Variants in CLINT1 observed in about 807,000 individuals in gnomAD.
CLINT1 encodes the protein clathrin interactor 1, also known as clathrin interacting protein localized in the trans-Golgi region.
A neutral mutation model predicts 70.4 loss-of-function variants in CLINT1; 15 were observed. That is an observed-to-expected ratio of 0.21 (90% CI 0.14 to 0.33). The LOEUF is 0.33. CLINT1 is among the 10% of genes least tolerant of loss of function. CLINT1 has a pLI of 1.00. For missense variants in CLINT1, 615 were observed against 778.1 expected, an observed-to-expected ratio of 0.79 and a Z score of 2.49; for synonymous variants, 227 against 254.7, an observed-to-expected ratio of 0.89 and a Z score of 1.04.
At position 157,787,972 on chromosome 5, in the gene CLINT1, C is replaced by T. The variant is rs763090564; in HGVS notation, c.1552G>A (p.Val518Met). 2.5e-6 allele frequency: 4 copies of T among 1,609,186 alleles called. No homozygotes were observed. Among genetic ancestry groups the T allele is most frequent in the Non-Finnish European group, 8.5e-7 (1 of 1,177,524 alleles). ...QQQNMQQPMNVMTQSFGAVNL... is the reference protein window; with the variant it reads ...QQQNMQQPMNMMTQSFGAVNL... ...ACAGCTCCAAAACTTTGAGTCATCACATTCATAGGCTGCTGCATATCTACC... is the reference window on the plus strand; with the variant it reads ...ACAGCTCCAAAACTTTGAGTCATCATATTCATAGGCTGCTGCATATCTACC... The change falls in exon 12 of 12, where the codon GTG becomes ATG. Residue 518 changes from valine to methionine, a missense_variant. Physicochemically the swap from Val to Met is conservative, Grantham distance 21. This residue lies in a region of CLINT1 where 374 missense variants were observed against 409.6 expected (regional missense o/e 0.91). Transcript: ENST00000411809.
At chr5:157,855,241 A>C (rs946231797) in intron 1 of CLINT1, among the ~76,000 whole-genome samples, 5 of 150,434 alleles carry the variant, frequency 3.3e-5, no homozygotes, top group African/African-American at 9.8e-5. Context: ...GCTGAGCTTG[A>C]ACAAATAAGT....
chr5:157,841,047 A>G (rs1753157229), intron 1 of CLINT1, among the ~76,000 whole-genome samples: 1 of 152,144 alleles, frequency 6.6e-6, no homozygotes, highest in African/African-American at 2.4e-5. Context: ...AGATTGCTTG[A>G]GCTCAGGAGT....
In CLINT1 at chr5:157,791,711, T is replaced by C. The variant is rs1017260743; in HGVS notation, c.1372A>G (p.Arg458Gly). The change falls in exon 10 of 12, where the codon AGA becomes GGA. Residue 458 changes from arginine (R) to glycine (G), a missense_variant. Arg to Gly is a moderately radical substitution (Grantham distance 125, BLOSUM62 -2). This residue lies in a region of CLINT1 where 374 missense variants were observed against 409.6 expected (regional missense o/e 0.91). Transcript: ENST00000411809. ...NTVGLGLPMS[R>G]SQNTDMVQKS... ...GGAACCAGACAACTTACCTGTGATC[T>C]TGACATAGGCAAACCAAGTCCCACA... is the stretch of plus-strand genomic sequence containing the variant. The C allele has an allele frequency of 6.2e-7, 1 of 1,609,892 alleles. No individual in the cohort carries two copies. Among genetic ancestry groups the C allele is most frequent in the East Asian group, 2.2e-5 (1 of 44,844 alleles).
At chr5:157,828,922 C>G (rs1157590478) in intron 1 of CLINT1, among the ~76,000 whole-genome samples, 1 of 123,822 alleles carries the variant, frequency 8.1e-6, no homozygotes, top group South Asian at 2.7e-4. Flanking sequence ...AACTCTGTCT[C>G]TACTTAAAAA....
At chr5:157,800,325 T>G (rs1236801310) in intron 8 of CLINT1, among the ~76,000 whole-genome samples, 1 of 152,182 alleles carries the variant, frequency 6.6e-6, no homozygotes, top group Admixed American at 6.5e-5. Flanking sequence ...TTACAGTTTG[T>G]GCCCACATTA....
rs978287312 is a variant in CLINT1 at position 157,795,009 on chromosome 5, G to C, written c.1013-37C>G. ...GAAAAAGTTAAAACTGTTAGAACTAGAGAAAAATTGTAAATAATTTCTGGA... is the reference window on the plus strand; with the variant it reads ...GAAAAAGTTAAAACTGTTAGAACTACAGAAAAATTGTAAATAATTTCTGGA... On this transcript the variant is annotated intron_variant, in intron 8 of 11. Transcript: ENST00000411809. The C allele has an allele frequency of 2.0e-6, 3 of 1,498,972 alleles. No individual in the cohort carries two copies. The African/African-American group carries it at 4.2e-5, about 21-fold the overall frequency. The allele number at this position is 1,498,972 out of a possible 1,614,324, so 92.9% of individuals were successfully genotyped here.
rs564689978 is a variant in CLINT1 at position 157,855,635 on chromosome 5, C to A, written c.41+3295G>T. Among the ~76,000 whole-genome samples the A allele has an allele frequency of 9.9e-4, 151 of 152,274 alleles. 1 individual carries two copies. The South Asian group carries it at 0.012, about 12-fold the overall frequency. ...GATTGTGGAAAATATACCCCCACTT[C>A]CAGAAAAAGTCTTCAAGGTCTCAAA... On this transcript the variant is annotated intron_variant, in intron 1 of 11. Coordinates refer to ENST00000411809, the MANE Select transcript of CLINT1 (RefSeq NM_014666.4).
intron 1 of CLINT1, among the ~76,000 whole-genome samples, chr5:157,850,340 G>A (rs1753529536): frequency 6.6e-6 from 1 of 152,118 alleles, no homozygotes; most frequent in African/African-American, 2.4e-5. Context: ...ATTACTGGCT[G>A]GGCACAGTGG....
chr5:157,824,792 T>C (rs187708328), intron 1 of CLINT1, among the ~76,000 whole-genome samples: 19 of 152,338 alleles, frequency 1.2e-4, no homozygotes, highest in Non-Finnish European at 2.8e-4. Context: ...TTAAAAACTA[T>C]TAGGTCTTTT....
At chr5:157,792,534 C>T (rs147007940) in intron 9 of CLINT1, among the ~76,000 whole-genome samples, 2 of 151,930 alleles carry the variant, frequency 1.3e-5, no homozygotes, top group South Asian at 2.1e-4. Context: ...GGTGACAGAG[C>T]GAGACTCCGT....
At chr5:157,805,742 C>T in intron 7 of CLINT1, 124 bp downstream of exon 7, 4 of 1,192,088 alleles carry the variant, frequency 3.4e-6, no homozygotes, top group Non-Finnish European at 4.7e-6. Context: ...CTTGGTAATA[C>T]ATGCCAGATG....
intron 1 of CLINT1, among the ~76,000 whole-genome samples, chr5:157,856,141 TACC>T (rs1311938788): frequency 6.6e-6 from 1 of 152,222 alleles, no homozygotes; most frequent in Non-Finnish European, 1.5e-5. Context: ...ATTTATTGAT[TACC>T]ACTTTTTAAG....
intron 7 of CLINT1, among the ~76,000 whole-genome samples, chr5:157,805,640 A>C (rs991957170): frequency 1.3e-5 from 2 of 152,170 alleles, no homozygotes; most frequent in African/African-American, 4.8e-5. Context: ...AAACAAACCA[A>C]AAGTGTCATT....
chr5:157,810,323 A>G (rs1762517368), intron 5 of CLINT1, among the ~76,000 whole-genome samples: 1 of 152,236 alleles, frequency 6.6e-6, no homozygotes, highest in Admixed American at 6.5e-5. Context: ...GTCACGCCTC[A>G]GTATCAAACT....
rs1400128409 is a variant in CLINT1, at chr5:157,814,220, T to C, written c.317A>G (p.Tyr106Cys). The C allele has an allele frequency of 1.9e-6, 3 of 1,610,512 alleles. No individual in the cohort carries two copies. Among genetic ancestry groups the C allele is most frequent in the Non-Finnish European group, 2.5e-6 (3 of 1,178,462 alleles). ...RVVTSAREHI[Y>C]DLRSLENYHF... ...GTAATTTTCCAGGGATCGTAAATCA[T>C]AAATGTGTTCTCTGGCACTTGTAAC... is the stretch of plus-strand genomic sequence containing the variant. The change falls in exon 4 of 12, where the codon TAT becomes TGT. Residue 106 changes from tyrosine to cysteine, a missense_variant. This residue lies in a region of CLINT1 where 241 missense variants were observed against 368.6 expected (regional missense o/e 0.65). Coordinates refer to ENST00000411809, the MANE Select transcript of CLINT1 (RefSeq NM_014666.4).
At chr5:157,793,312 T>G (rs1761973253) in intron 9 of CLINT1, among the ~76,000 whole-genome samples, 1 of 152,138 alleles carries the variant, frequency 6.6e-6, no homozygotes, top group Admixed American at 6.5e-5. Context: ...TAAACTTTTA[T>G]GCTGATTTTC....
At chr5:157,798,826 A>C (rs1177266617) in intron 8 of CLINT1, among the ~76,000 whole-genome samples, 1 of 152,122 alleles carries the variant, frequency 6.6e-6, no homozygotes, top group Non-Finnish European at 1.5e-5. Flanking sequence ...AAATAAAAAA[A>C]CTAATGTCTA....
At position 157,809,738 on chromosome 5, in the gene CLINT1, A is replaced by G; in HGVS notation, c.585T>C (p.Phe195=). 1.2e-6 allele frequency: 2 copies of G among 1,613,612 alleles called. No homozygotes were observed. Among genetic ancestry groups the G allele is most frequent in the Non-Finnish European group, 1.7e-6 (2 of 1,179,664 alleles). Residue 195 remains phenylalanine, a synonymous_variant, in exon 6 of 12, where the codon TTT becomes TTC. Coordinates refer to ENST00000411809, the MANE Select transcript of CLINT1 (RefSeq NM_014666.4). ...DEEWDKNKSA[F]PFSDKLGELS... ...GCTCACCTAATTTATCACTGAATGGAAAAGCACTCTTGTTTTTATCCCACT... is the reference window on the plus strand; with the variant it reads ...GCTCACCTAATTTATCACTGAATGGGAAAGCACTCTTGTTTTTATCCCACT...
intron 3 of CLINT1, among the ~76,000 whole-genome samples, chr5:157,815,157 G>C (rs1028458655): frequency 1.2e-4 from 17 of 143,814 alleles, no homozygotes; most frequent in African/African-American, 4.5e-4. Flanking sequence ...ACAAATAGCT[G>C]GGTATTGTGG....
Sources: allele counts gnomAD v4.1 joint callset (sites outside exome capture counted in the v4.1 genomes callset), GRCh38; gene constraint gnomAD v4.1.1; regional missense constraint gnomAD v4.1.1; transcripts MANE v1.5; gene names NCBI Gene and HGNC (gene_info 2026-07-23, HGNC 2026-07-21).